The following FA2H variants were observed in gnomAD, a reference collection of about 807,000 sequenced individuals.
FA2H encodes fatty acid 2-hydroxylase, also known as fatty acid alpha-hydroxylase.
FA2H carries 22 observed loss-of-function variants against 44.9 expected under a neutral mutation model. The observed-to-expected ratio is 0.49, with a 90% CI of 0.35 to 0.70. FA2H has a LOEUF of 0.70. FA2H is among the 30% of genes least tolerant of loss of function. The pLI is 0.01. For synonymous variants in FA2H, 243 were observed against 213.2 expected (o/e 1.14, Z -1.22); for missense variants, 501 against 504.9 (o/e 0.99, Z 0.07).
chr16:74,738,480 C>T (rs540452719), intron 2 of FA2H, among the ~76,000 whole-genome samples: 5 of 152,248 alleles, frequency 3.3e-5, no homozygotes, highest in South Asian at 2.1e-4. Flanking sequence ...CTGGATCTCC[C>T]GTCCCCAGCC....
In FA2H at chr16:74,743,194, A is replaced by T. The variant is rs114704748; in HGVS notation, c.271-3079T>A. 1.8e-3 allele frequency among the ~76,000 whole-genome samples: 269 copies of T among 152,216 alleles called. 2 individuals are homozygous for T. Among genetic ancestry groups the T allele is most frequent in the African/African-American group, 5.9e-3 (246 of 41,528 alleles). ...ATGAATGCAGAACAATTACAACAAC[A>T]TTCTGTTTTTATGAGCATTAACTAC... On this transcript the variant is annotated intron_variant, in intron 1 of 6. Transcript: ENST00000219368.
chr16:74,759,483 T>C (rs942640526), intron 1 of FA2H, among the ~76,000 whole-genome samples: 1 of 152,246 alleles, frequency 6.6e-6, no homozygotes, highest in Non-Finnish European at 1.5e-5. Flanking sequence ...AGTTTCCCAC[T>C]CCTTTTTCCA....
intron 1 of FA2H, among the ~76,000 whole-genome samples, chr16:74,759,511 C>G (rs1962669346): frequency 6.6e-6 from 1 of 152,210 alleles, no homozygotes; most frequent in Admixed American, 6.5e-5. Flanking sequence ...CACTAAAGAC[C>G]CTTCTTAAAC....
At chr16:74,729,060 G>C (rs147672692) in intron 2 of FA2H, among the ~76,000 whole-genome samples, 2,343 of 141,714 alleles carry the variant, frequency 0.017, 63 homozygotes, top group African/African-American at 0.06. Context: ...CACCAGGCTG[G>C]AGTGCAGTGG....
chr16:74,722,198 C>A lies in FA2H; in HGVS notation c.614-3038G>T, dbSNP rs1282784775. The stretch of plus-strand genomic sequence containing the variant: ...GCTCATCTTTCTGAGGTAGGCAAGA[C>A]TTTCCCATCATGGACTCAGCCCCTT... On this transcript the variant is annotated intron_variant, in intron 4 of 6. Coordinates refer to ENST00000219368, the MANE Select transcript of FA2H (RefSeq NM_024306.5). 2.6e-5 allele frequency among the ~76,000 whole-genome samples: 4 copies of A among 151,110 alleles called. No homozygotes were observed. In the East Asian group the frequency reaches 7.9e-4, roughly 30 times the overall value.
At chr16:74,747,347 AAAGAAAG>A (rs905732925) in intron 1 of FA2H, among the ~76,000 whole-genome samples, 1 of 151,844 alleles carries the variant, frequency 6.6e-6, no homozygotes, top group Non-Finnish European at 1.5e-5. Flanking sequence ...AGAAAGAAAG[AAAGAAAG>A]AAAAGTGACA....
intron 2 of FA2H, among the ~76,000 whole-genome samples, chr16:74,738,224 TGA>T (rs957741714): frequency 4.6e-5 from 7 of 151,774 alleles, no homozygotes; most frequent in East Asian, 1.9e-4. Flanking sequence ...AGAGAGAGAA[TGA>T]GAGAGAGGTG....
At chr16:74,750,336 C>G (rs1442914539) in intron 1 of FA2H, among the ~76,000 whole-genome samples, 1 of 152,180 alleles carries the variant, frequency 6.6e-6, no homozygotes, top group East Asian at 1.9e-4. Flanking sequence ...CTGTATTTTG[C>G]TATTTTTAAA....
At chr16:74,757,223 G>A (rs187666571) in intron 1 of FA2H, among the ~76,000 whole-genome samples, 77 of 152,256 alleles carry the variant, frequency 5.1e-4, no homozygotes, top group Admixed American at 1.1e-3. Flanking sequence ...CTAAAAACGT[G>A]CAAAAAGTTC....
chr16:74,716,403 T>G lies in FA2H; in HGVS notation c.983A>C (p.Tyr328Ser). ...LHFGSPHKGS[Y>S]LYSLKAHHVK... ...GTGGTGGGCCTTCAGGCTGTACAGG[T>G]AGGAGCCCTTGTGCGGCGAGCCAAA... The change falls in exon 6 of 7, where the codon TAC becomes TCC. Residue 328 changes from tyrosine to serine, a missense_variant. Physicochemically the swap from Tyr to Ser is moderately radical, Grantham distance 144. Transcript: ENST00000219368. 6.2e-7 allele frequency: 1 copy of G among 1,613,926 alleles called. No individual in the cohort carries two copies. The highest frequency in any genetic ancestry group is 8.5e-7 in the Non-Finnish European group (1 of 1,179,972).
intron 1 of FA2H, among the ~76,000 whole-genome samples, chr16:74,747,946 A>ACAACCGAGGGAGG (rs1962456641): frequency 6.6e-6 from 1 of 152,116 alleles, no homozygotes; most frequent in Non-Finnish European, 1.5e-5. Flanking sequence ...AGAAGAGGGG[A>ACAACCGAGGGAGG]CAACCGAGGG....
At chr16:74,742,166 C>A (rs149431063) in intron 1 of FA2H, among the ~76,000 whole-genome samples, 1,841 of 152,252 alleles carry the variant, frequency 0.012, 24 homozygotes, top group Non-Finnish European at 0.015. Flanking sequence ...TGTTTCAATG[C>A]TGGGTCTCTG....
At chr16:74,754,398 G>GAACAAAA (rs893749352) in intron 1 of FA2H, among the ~76,000 whole-genome samples, 3 of 151,562 alleles carry the variant, frequency 2.0e-5, no homozygotes, top group Admixed American at 1.3e-4. Context: ...TCCATCTCAA[G>GAACAAAA]AACAAAAAAC....
At chr16:74,738,330 G>T (rs1000884145) in intron 2 of FA2H, among the ~76,000 whole-genome samples, 3 of 152,160 alleles carry the variant, frequency 2.0e-5, no homozygotes, top group African/African-American at 7.2e-5. Flanking sequence ...CTTGGGTGTG[G>T]TCGTGGTGAC....
At chr16:74,773,076 A>G (rs949112669) in intron 1 of FA2H, among the ~76,000 whole-genome samples, 3 of 151,976 alleles carry the variant, frequency 2.0e-5, no homozygotes, top group African/African-American at 4.8e-5. Context: ...AGGTCTCCCT[A>G]TGTTGCCCAG....
intron 1 of FA2H, among the ~76,000 whole-genome samples, chr16:74,740,665 T>A (rs1034783490): frequency 7.2e-6 from 1 of 138,280 alleles, no homozygotes; most frequent in African/African-American, 2.7e-5. Context: ...ATAATAATAA[T>A]AATAAAATTT....
At position 74,744,936 on chromosome 16, in the gene FA2H, C is replaced by T. The variant is rs542009793; in HGVS notation, c.271-4821G>A. ...TTCAGTATTTGGTAAGGGAAGTGAA[C>T]AATTTTGTAGTTAGACCCACACTGG... On this transcript the variant is annotated intron_variant, in intron 1 of 6. Coordinates refer to ENST00000219368, the MANE Select transcript of FA2H (RefSeq NM_024306.5). Among the ~76,000 whole-genome samples the T allele has an allele frequency of 2.0e-5, 3 of 152,240 alleles. No homozygotes were observed. In the South Asian group the frequency reaches 6.2e-4, roughly 32 times the overall value.
At chr16:74,732,870 C>T (rs867636186) in intron 2 of FA2H, among the ~76,000 whole-genome samples, 3 of 152,218 alleles carry the variant, frequency 2.0e-5, no homozygotes, top group Admixed American at 6.5e-5. Flanking sequence ...ACAGAACTGT[C>T]GTGGAAACCG....
intron 1 of FA2H, among the ~76,000 whole-genome samples, chr16:74,743,892 C>A (rs1055025216): frequency 3.9e-5 from 6 of 152,210 alleles, no homozygotes; most frequent in Non-Finnish European, 5.9e-5. Flanking sequence ...GCCAGCGTCA[C>A]GCGGTGTCAG....
Sources: gnomAD v4.1 joint callset for allele counts (sites outside exome capture counted in the v4.1 genomes callset) on GRCh38, gnomAD v4.1.1 for gene constraint, MANE v1.5 for transcripts, NCBI Gene and HGNC (gene_info 2026-07-23, HGNC 2026-07-21) for gene names.